The following TRPV6 variants were observed in gnomAD, a reference collection of about 807,000 sequenced individuals.
TRPV6 encodes Alu-binding protein with zinc finger domain.
In TRPV6, 39 loss-of-function variants were observed where a neutral mutation model predicts 79.0. The observed-to-expected ratio is 0.49, with a 90% CI of 0.38 to 0.64. TRPV6 has a LOEUF of 0.64. Ranked by LOEUF, TRPV6 falls within the 30% of genes least tolerant of loss-of-function variation. The pLI is 0.00. For missense variants in TRPV6, 813 were observed against 1,011.1 expected (o/e 0.80, Z 2.66); for synonymous variants, 373 against 391.9 (o/e 0.95, Z 0.57).
chr7:142,877,741 C>T lies in TRPV6; in HGVS notation c.379G>A (p.Ala127Thr). The change falls in exon 3 of 15, where the codon GCC becomes ACC. Residue 127 changes from alanine (A) to threonine (T), a missense_variant. Around this residue, in one of 3 missense-constraint regions of TRPV6, gnomAD observed 555 missense variants for 631.0 expected, o/e 0.88. Coordinates refer to ENST00000359396, the MANE Select transcript of TRPV6 (RefSeq NM_018646.6). ...GCGGCCTCCAGGTTGTCATAGAGGG[C>T]TGCTATGTGTAGCGCTGTTTCCCCC... is the stretch of plus-strand genomic sequence containing the variant. 1 of 1,614,188 alleles carries T rather than the reference C, an allele frequency of 6.2e-7. No homozygotes were observed. Among genetic ancestry groups the T allele is most frequent in the Non-Finnish European group, 8.5e-7 (1 of 1,180,030 alleles).
At chr7:142,875,407 C>T in intron 8 of TRPV6, 61 bp downstream of exon 8, 1 of 1,490,062 alleles carries the variant, frequency 6.7e-7, no homozygotes, top group South Asian at 1.3e-5. Context: ...AAAGGGACAC[C>T]AGTCTCTGAG....
chr7:142,874,586 G>T lies in TRPV6; in HGVS notation c.1477C>A (p.Pro493Thr), dbSNP rs1795013522. 8 of 1,614,100 alleles carry T rather than the reference G, an allele frequency of 5.0e-6. No homozygotes were observed. Among genetic ancestry groups the T allele is most frequent in the Non-Finnish European group, 5.9e-6 (7 of 1,180,026 alleles). ...CCCAGCACGAGTGCAAAGGACATGG[G>T]TACCACCTCCCCGCTGGCACTGATG... Residue 493 changes from proline (P) to threonine (T), a missense_variant, in exon 11 of 15, where the codon CCC (proline) becomes ACC (threonine). Pro to Thr is a conservative substitution (Grantham distance 38, BLOSUM62 -1). Coordinates refer to ENST00000359396, the MANE Select transcript of TRPV6 (RefSeq NM_018646.6).
Position 142,874,668 on chromosome 7 carries a change from G to A in TRPV6, c.1407-12C>T. On this transcript the variant is annotated splice_polypyrimidine_tract_variant and intron_variant, in intron 10 of 14. Coordinates refer to ENST00000359396, the MANE Select transcript of TRPV6 (RefSeq NM_018646.6). Reference sequence around the variant, plus strand: ...AGGCATAGGTGATGCTGGGGGAGCAGGGAGGAGGGTGATGAGGGGAGGGCT... The same window carrying A: ...AGGCATAGGTGATGCTGGGGGAGCAAGGAGGAGGGTGATGAGGGGAGGGCT... 3 of 1,610,750 alleles carry A rather than the reference G, an allele frequency of 1.9e-6. No homozygotes were observed. Among genetic ancestry groups the A allele is most frequent in the Non-Finnish European group, 2.5e-6 (3 of 1,177,874 alleles).
At position 142,877,949 on chromosome 7, in the gene TRPV6, T is replaced by A. The variant is rs1563356657; in HGVS notation, c.326A>T (p.Asp109Val). ...CTTACCTCTCTGGTGCACCTTGCAA[T>A]CCTCATACTTGAGCAACTTGTTCAG... Residue 109 changes from aspartate (D) to valine (V), a missense_variant, in exon 2 of 15, where the codon GAT (aspartate) becomes GTT (valine). Around this residue, in one of 3 missense-constraint regions of TRPV6, gnomAD observed 555 missense variants for 631.0 expected, o/e 0.88. Coordinates refer to ENST00000359396, the MANE Select transcript of TRPV6 (RefSeq NM_018646.6). 6.2e-7 allele frequency: 1 copy of A among 1,614,212 alleles called. No homozygotes were observed. The highest frequency in any genetic ancestry group is 1.7e-5 in the Admixed American group (1 of 60,028).
intron 4 of TRPV6, 67 bp from the exon 5 acceptor site, chr7:142,876,904 C>A: frequency 1.3e-6 from 2 of 1,578,188 alleles, no homozygotes; most frequent in Admixed American, 3.6e-5. Context: ...CAGTCTCCCC[C>A]AAGTGACAGC....
chr7:142,872,593 C>A, intron 13 of TRPV6, 115 bp from the exon 14 acceptor site: 3 of 1,065,288 alleles, frequency 2.8e-6, no homozygotes, highest in Non-Finnish European at 4.2e-6. Flanking sequence ...GAGCTTGAGA[C>A]CAACAATTCT....
chr7:142,874,503 G>T lies in TRPV6; in HGVS notation c.1560C>A (p.Ile520=). ...GGGGAGGACTGACCTTCTGAATCAT[G>T]ATGGTGAAGGGGCCTAGCATCTGGA... Residue 520 remains isoleucine, a synonymous_variant, in exon 11 of 15, where the codon ATC becomes ATA. Transcript: ENST00000359396. 6.2e-7 allele frequency: 1 copy of T among 1,614,152 alleles called. No individual in the cohort carries two copies. Among genetic ancestry groups the T allele is most frequent in the Non-Finnish European group, 8.5e-7 (1 of 1,180,020 alleles).
chr7:142,875,047 C>T (rs370145695), intron 9 of TRPV6, 31 bp downstream of exon 9: 6 of 1,614,060 alleles, frequency 3.7e-6, no homozygotes, highest in Admixed American at 1.7e-5. Context: ...CTCGGGCAGA[C>T]AGCCTCACCC....
chr7:142,874,404 C>A (rs1795008495), intron 11 of TRPV6, 87 bp downstream of exon 11: 1 of 1,520,156 alleles, frequency 6.6e-7, no homozygotes, highest in Middle Eastern at 1.7e-4. Flanking sequence ...GCAGAACCTG[C>A]AATGTCTACT....
intron 1 of TRPV6, chr7:142,878,694 CATTCAT>C (rs2116523997): frequency 6.6e-6 from 1 of 152,346 alleles, no homozygotes; most frequent in African/African-American, 2.4e-5. Context: ...TTCATTCATT[CATTCAT>C]TCATTCATTC....
At chr7:142,881,198 C>T (rs1458730190) in intron 1 of TRPV6, 3 of 152,184 alleles carry the variant, frequency 2.0e-5, no homozygotes, top group Admixed American at 2.0e-4. Flanking sequence ...AGCTGACCTA[C>T]TCAAAGATTC....
At chr7:142,879,353 C>T (rs1394669291) in intron 1 of TRPV6, 1 of 152,168 alleles carries the variant, frequency 6.6e-6, no homozygotes, top group Admixed American at 6.5e-5. Flanking sequence ...TATTCTTATA[C>T]CTACTGTGTG....
rs903216374 is a variant in TRPV6 at position 142,871,568 on chromosome 7, A to G, written c.*139T>C. Reference sequence around the variant, plus strand: ...GGCCTGGAGCAGTGATTCTCAACGTACATTCCTTGGCGTTCATGCTACTCC... The same window carrying G: ...GGCCTGGAGCAGTGATTCTCAACGTGCATTCCTTGGCGTTCATGCTACTCC... On this transcript the variant is annotated 3_prime_UTR_variant, in exon 15 of 15. Transcript: ENST00000359396. 6 of 1,052,392 alleles carry G rather than the reference A, an allele frequency of 5.7e-6. No individual in the cohort carries two copies. The highest frequency in any genetic ancestry group is 8.2e-6 in the Non-Finnish European group (6 of 733,368). The allele number at this position is 1,052,392 out of a possible 1,614,324, so 65.2% of individuals were successfully genotyped here. A position where few individuals can be genotyped will look rare whatever the true frequency, so the allele number is the denominator to read the frequency against.
In TRPV6 at chr7:142,877,946, C is replaced by A. The variant is rs1795112988; in HGVS notation, c.329G>T (p.Cys110Phe). 3 of 1,614,108 alleles carry A rather than the reference C, an allele frequency of 1.9e-6. No homozygotes were observed. In the South Asian group the frequency reaches 3.3e-5, roughly 18 times the overall value. ...CTTCTTACCTCTCTGGTGCACCTTG[C>A]AATCCTCATACTTGAGCAACTTGTT... The change falls in exon 2 of 15, where the codon TGC becomes TTC. Residue 110 changes from cysteine (C) to phenylalanine (F), a missense_variant. Physicochemically the swap from Cys to Phe is radical, Grantham distance 205. Transcript: ENST00000359396.
At chr7:142,878,778 TA>T (rs1795135365) in intron 1 of TRPV6, 1 of 152,216 alleles carries the variant, frequency 6.6e-6, no homozygotes, top group Non-Finnish European at 1.5e-5. Flanking sequence ...CCTTCCTTCT[TA>T]AAGTGGACCC....
At chr7:142,872,280 A>G in intron 14 of TRPV6, 92 bp downstream of exon 14, 1 of 1,377,446 alleles carries the variant, frequency 7.3e-7, no homozygotes, top group Non-Finnish European at 1.0e-6. Context: ...ACAGGCCTCC[A>G]CAGGGAACCC....
rs1221088175 is a variant in TRPV6, at chr7:142,874,490, CCTT to C, written c.1570_1572del (p.Lys524del). On this transcript the variant is annotated inframe_deletion and splice_region_variant, in exon 11 of 15. Coordinates refer to ENST00000359396, the MANE Select transcript of TRPV6 (RefSeq NM_018646.6). Reference sequence around the variant, plus strand: ...CTAGGGAGCTTGGGGGGAGGACTGACCTTCTGAATCATGATGGTGAAGGGGCCT... The same window carrying C: ...CTAGGGAGCTTGGGGGGAGGACTGACCTGAATCATGATGGTGAAGGGGCCT... 5.6e-6 allele frequency: 9 copies of C among 1,613,958 alleles called. No individual in the cohort carries two copies. The highest frequency in any genetic ancestry group is 7.6e-6 in the Non-Finnish European group (9 of 1,180,018).
chr7:142,874,024 G>A, intron 12 of TRPV6, 52 bp downstream of exon 12: 1 of 1,588,870 alleles, frequency 6.3e-7, no homozygotes, highest in Admixed American at 1.7e-5. Flanking sequence ...GTGCCCCCTA[G>A]ACTTCCTCAT....
At position 142,875,917 on chromosome 7, in the gene TRPV6, G is replaced by A. The variant is rs141794955; in HGVS notation, c.883-13C>T. On this transcript the variant is annotated splice_polypyrimidine_tract_variant and intron_variant, in intron 6 of 14. Coordinates refer to ENST00000359396, the MANE Select transcript of TRPV6 (RefSeq NM_018646.6). Reference sequence around the variant, plus strand: ...GGTGCTGAAACATCTAAGGGAAAGTGAAGATGACTCAGGAGCAGTAAGCAA... The same window carrying A: ...GGTGCTGAAACATCTAAGGGAAAGTAAAGATGACTCAGGAGCAGTAAGCAA... 7 of 1,564,712 alleles carry A rather than the reference G, an allele frequency of 4.5e-6. No individual in the cohort carries two copies. The African/African-American group carries it at 9.5e-5, about 21-fold the overall frequency.
Sources: allele counts gnomAD v4.1 joint callset, GRCh38; gene constraint gnomAD v4.1.1; regional missense constraint gnomAD v4.1.1; transcripts MANE v1.5; gene names NCBI Gene and HGNC (gene_info 2026-07-23, HGNC 2026-07-21).